Variants in NCAM1 observed in about 807,000 individuals in gnomAD.
NCAM1 encodes the protein antigen recognized by monoclonal antibody 5.1H11.
Under a neutral mutation model 109.8 loss-of-function variants are expected in NCAM1, and 14 were observed. That is an observed-to-expected ratio of 0.13 (90% confidence interval 0.08 to 0.20). NCAM1 has a LOEUF of 0.20. Ranked by LOEUF, NCAM1 falls within the 10% of genes least tolerant of loss-of-function variation. The pLI is 1.00. For synonymous variants in NCAM1, 418 were observed against 442.9 expected (o/e 0.94, Z 0.70); for missense variants, 774 against 1,109.9 (o/e 0.70, Z 4.30).
At chr11:113,133,530 G>A (rs1228917141) in intron 1 of NCAM1, 1 of 152,176 alleles carries the variant, frequency 6.6e-6, no homozygotes, top group Non-Finnish European at 1.5e-5. Flanking sequence ...TTTAATCACT[G>A]GGAATTTTTT....
chr11:113,005,981 A>G (rs1193401546), intron 1 of NCAM1, among the ~76,000 whole-genome samples: 3 of 152,156 alleles, frequency 2.0e-5, no homozygotes, highest in Admixed American at 1.3e-4. Context: ...CTTTTCTTCT[A>G]AAGAGATTCT....
intron 1 of NCAM1, among the ~76,000 whole-genome samples, chr11:112,985,945 A>G (rs1440123893): frequency 6.6e-6 from 1 of 151,960 alleles, no homozygotes; most frequent in Non-Finnish European, 1.5e-5. Context: ...TTTCAGTACT[A>G]TTTTAAACAG....
chr11:112,973,646 G>A (rs1950937887), intron 1 of NCAM1, among the ~76,000 whole-genome samples: 1 of 152,108 alleles, frequency 6.6e-6, no homozygotes, highest in African/African-American at 2.4e-5. Context: ...CTAACTAATA[G>A]GGTTATTGTG....
chr11:113,138,221 G>T (rs574303911), intron 1 of NCAM1, among the ~76,000 whole-genome samples: 2 of 152,184 alleles, frequency 1.3e-5, no homozygotes, highest in Non-Finnish European at 2.9e-5. Flanking sequence ...ATTTCTCGAC[G>T]TGCTGGCAGG....
At chr11:113,250,956 C>A (rs1195183008) in intron 15 of NCAM1, among the ~76,000 whole-genome samples, 5 of 129,822 alleles carry the variant, frequency 3.9e-5, no homozygotes, top group Admixed American at 1.7e-4. Context: ...TGCCACCATG[C>A]CCAGATAATT....
At chr11:113,254,632 G>A (rs556488225) in intron 15 of NCAM1, among the ~76,000 whole-genome samples, 74 of 152,310 alleles carry the variant, frequency 4.9e-4, no homozygotes, top group African/African-American at 1.5e-3. Flanking sequence ...GCCTGCAGCC[G>A]TCTCATAAAT....
chr11:113,155,856 C>T (rs1299852948), intron 1 of NCAM1, among the ~76,000 whole-genome samples: 2 of 152,124 alleles, frequency 1.3e-5, no homozygotes, highest in Admixed American at 6.6e-5. Flanking sequence ...CTCTCCTCCC[C>T]ATTCCTCCAC....
chr11:113,079,313 G>C (rs1350277321), intron 1 of NCAM1, among the ~76,000 whole-genome samples: 1 of 152,210 alleles, frequency 6.6e-6, no homozygotes, highest in East Asian at 1.9e-4. Flanking sequence ...CTTGTCTAGA[G>C]TCAGTCCACT....
intron 1 of NCAM1, among the ~76,000 whole-genome samples, chr11:113,158,828 G>A (rs1942504201): frequency 6.6e-6 from 1 of 152,170 alleles, no homozygotes; most frequent in Admixed American, 6.5e-5. Flanking sequence ...AAGTAGGGTT[G>A]TTGAGGGTAT....
At position 113,275,482 on chromosome 11, in the gene NCAM1, A is replaced by G. The variant is rs1346818609; in HGVS notation, c.*95A>G. 17 of 1,396,810 alleles carry G rather than the reference A, an allele frequency of 1.2e-5. No individual in the cohort carries two copies. Among genetic ancestry groups the G allele is most frequent in the African/African-American group, 1.2e-4 (8 of 69,236 alleles). The allele number at this position is 1,396,810 out of a possible 1,614,324, so 86.5% of individuals were successfully genotyped here. Reference sequence around the variant, plus strand: ...ACCACAGACACACACACGCACGCACACACACAAACACACATGCACACACAC... The same window carrying G: ...ACCACAGACACACACACGCACGCACGCACACAAACACACATGCACACACAC... On this transcript the variant is annotated 3_prime_UTR_variant, in exon 20 of 20. Transcript: ENST00000316851.
intron 1 of NCAM1, among the ~76,000 whole-genome samples, chr11:113,137,435 C>T (rs1941641019): frequency 6.6e-6 from 1 of 152,222 alleles, no homozygotes; most frequent in Non-Finnish European, 1.5e-5. Context: ...AAGGAAATCA[C>T]ATTATGTACA....
chr11:113,127,017 C>T (rs2136087099), intron 1 of NCAM1, among the ~76,000 whole-genome samples: 1 of 152,306 alleles, frequency 6.6e-6, no homozygotes, highest in African/African-American at 2.4e-5. Flanking sequence ...TTCCTGCCTA[C>T]CACAGTGGCA....
At chr11:113,192,366 T>G (rs1171126649) in intron 1 of NCAM1, among the ~76,000 whole-genome samples, 1 of 152,172 alleles carries the variant, frequency 6.6e-6, no homozygotes, top group African/African-American at 2.4e-5. Flanking sequence ...GTAATTCAGT[T>G]TCATGCAAAG....
intron 17 of NCAM1, chr11:113,269,521 GC>G (rs1946219150): frequency 6.5e-6 from 1 of 153,102 alleles, no homozygotes; most frequent in African/African-American, 2.4e-5. Context: ...CTTTCACCTT[GC>G]CCATGGCCTG....
chr11:113,129,202 T>C (rs1225863742), intron 1 of NCAM1, among the ~76,000 whole-genome samples: 1 of 152,018 alleles, frequency 6.6e-6, no homozygotes, highest in African/African-American at 2.4e-5. Flanking sequence ...GAATTTCACA[T>C]GGGGCCTCTC....
At chr11:113,048,271 CTTTTAAAACAA>C (rs1205204356) in intron 1 of NCAM1, among the ~76,000 whole-genome samples, 1 of 152,136 alleles carries the variant, frequency 6.6e-6, no homozygotes, top group Non-Finnish European at 1.5e-5. Context: ...ACGTTGAAAA[CTTTTAAAACAA>C]TGTTAAAACA....
chr11:113,175,705 A>G (rs1412558439), intron 1 of NCAM1, among the ~76,000 whole-genome samples: 1 of 152,224 alleles, frequency 6.6e-6, no homozygotes, highest in Non-Finnish European at 1.5e-5. Flanking sequence ...ACCATTCACC[A>G]TTGTGGAAAA....
chr11:113,011,964 T>TTTCCTTCCTTCC (rs200929273), intron 1 of NCAM1, among the ~76,000 whole-genome samples: 5,788 of 113,946 alleles, frequency 0.051, 263 homozygotes, highest in Admixed American at 0.1. Context: ...CCTTCTCTCC[T>TTTCCTTCCTTCC]TTCCTTCCTT....
chr11:113,081,154 A>G (rs974645467), intron 1 of NCAM1, among the ~76,000 whole-genome samples: 5 of 152,186 alleles, frequency 3.3e-5, no homozygotes, highest in Non-Finnish European at 5.9e-5. Context: ...GGATGCCCGT[A>G]AGAGGGGTGG....
Sources: gnomAD v4.1 joint callset for allele counts (sites outside exome capture counted in the v4.1 genomes callset) on GRCh38, gnomAD v4.1.1 for gene constraint, MANE v1.5 for transcripts, NCBI Gene and HGNC (gene_info 2026-07-23, HGNC 2026-07-21) for gene names.